The following AGBL4 variants were observed in gnomAD, a reference collection of about 807,000 sequenced individuals.
AGBL4 encodes the protein AGBL carboxypeptidase 4, also known as cytosolic carboxypeptidase 6.
AGBL4 carries 58 observed loss-of-function variants against 66.4 expected under a neutral mutation model. The ratio of observed to expected loss-of-function variants is 0.87; its 90% CI spans 0.71 to 1.09. AGBL4 has a LOEUF of 1.09. Among genes scored for constraint, AGBL4 ranks in the 50% least tolerant of loss-of-function variants. AGBL4 has a pLI of 0.00. For missense variants in AGBL4, 579 were observed against 631.0 expected (o/e 0.92, Z 0.88); for synonymous variants, 234 against 222.9 (o/e 1.05, Z -0.44).
chr1:49,542,385 C>T (rs971282021), intron 3 of AGBL4, among the ~76,000 whole-genome samples: 85 of 152,118 alleles, frequency 5.6e-4, no homozygotes, highest in Non-Finnish European at 9.7e-4. Flanking sequence ...CACTCCTGAG[C>T]CAGCGAGACC....
At chr1:49,897,976 A>C (rs1262184496) in intron 1 of AGBL4, among the ~76,000 whole-genome samples, 5 of 152,138 alleles carry the variant, frequency 3.3e-5, no homozygotes, top group Non-Finnish European at 1.5e-5. Context: ...AATGGATTAA[A>C]CACTTAAATC....
At chr1:49,614,658 C>T (rs907484445) in intron 3 of AGBL4, among the ~76,000 whole-genome samples, 1 of 152,018 alleles carries the variant, frequency 6.6e-6, no homozygotes, top group Non-Finnish European at 1.5e-5. Context: ...ATTTATACTC[C>T]CACCCACAGT....
At chr1:48,995,755 C>A (rs576097162) in intron 5 of AGBL4, among the ~76,000 whole-genome samples, 5 of 152,186 alleles carry the variant, frequency 3.3e-5, no homozygotes, top group African/African-American at 7.2e-5. Context: ...AATAGCTAGA[C>A]CATAGTCACT....
At chr1:49,750,882 C>G (rs1309983890) in intron 2 of AGBL4, among the ~76,000 whole-genome samples, 1 of 152,122 alleles carries the variant, frequency 6.6e-6, no homozygotes, top group African/African-American at 2.4e-5. Context: ...TGAGTTGGCT[C>G]TCTGTTTGTC....
intron 1 of AGBL4, among the ~76,000 whole-genome samples, chr1:49,903,873 G>T (rs1571840353): frequency 2.0e-5 from 3 of 152,228 alleles, no homozygotes; most frequent in Admixed American, 2.0e-4. Flanking sequence ...CAAGCACTGA[G>T]AACACTCCAG....
At position 48,741,837 on chromosome 1, in the gene AGBL4, C is replaced by T. The variant is rs1427271022; in HGVS notation, c.635-78596G>A. 2.6e-5 allele frequency among the ~76,000 whole-genome samples: 4 copies of T among 152,192 alleles called. No homozygotes were observed. In the South Asian group the frequency reaches 8.3e-4, roughly 31 times the overall value. On this transcript the variant is annotated intron_variant, in intron 6 of 13. Transcript: ENST00000371839. ...TGCCACAGTGGCAGAGAACATAACG[C>T]TAAAGCTGAATTTCACCAGTGCCAA...
intron 5 of AGBL4, among the ~76,000 whole-genome samples, chr1:48,927,352 T>C (rs1188214969): frequency 6.6e-6 from 1 of 152,136 alleles, no homozygotes; most frequent in Non-Finnish European, 1.5e-5. Flanking sequence ...CTCCGCTTTA[T>C]AAAACTGTCA....
intron 3 of AGBL4, among the ~76,000 whole-genome samples, chr1:49,536,278 T>C (rs1411993102): frequency 6.6e-6 from 1 of 152,180 alleles, no homozygotes; most frequent in Non-Finnish European, 1.5e-5. Flanking sequence ...CCCCTGTGTG[T>C]CTATATTGTA....
chr1:49,491,403 A>G (rs1647181831), intron 3 of AGBL4, among the ~76,000 whole-genome samples: 1 of 151,866 alleles, frequency 6.6e-6, no homozygotes, highest in Non-Finnish European at 1.5e-5. Flanking sequence ...TTGTTTTAAA[A>G]TGCGTATCTT....
intron 11 of AGBL4, among the ~76,000 whole-genome samples, chr1:48,561,099 C>T (rs1302935865): frequency 6.6e-6 from 1 of 152,176 alleles, no homozygotes; most frequent in African/African-American, 2.4e-5. Flanking sequence ...TCTCTACCTG[C>T]TAAATTTATG....
At chr1:49,599,101 G>A (rs1235645857) in intron 3 of AGBL4, among the ~76,000 whole-genome samples, 3 of 152,156 alleles carry the variant, frequency 2.0e-5, no homozygotes, top group Non-Finnish European at 4.4e-5. Context: ...TTGGTATCAG[G>A]ATGATGCTGA....
At chr1:49,313,443 T>C (rs527977756) in intron 3 of AGBL4, among the ~76,000 whole-genome samples, 1 of 152,248 alleles carries the variant, frequency 6.6e-6, no homozygotes, top group Non-Finnish European at 1.5e-5. Context: ...CCTTGAGGAA[T>C]CACCATGCTG....
chr1:49,385,947 T>C (rs1368303722), intron 3 of AGBL4, among the ~76,000 whole-genome samples: 1 of 152,064 alleles, frequency 6.6e-6, no homozygotes, highest in Admixed American at 6.6e-5. Flanking sequence ...CTAAAGCATC[T>C]AGTCACTTAG....
At chr1:48,878,538 G>A (rs964935788) in intron 5 of AGBL4, among the ~76,000 whole-genome samples, 1 of 152,166 alleles carries the variant, frequency 6.6e-6, no homozygotes, top group African/African-American at 2.4e-5. Flanking sequence ...TGTTTGGAAA[G>A]TCTTCCCTCC....
intron 11 of AGBL4, chr1:48,586,793 T>G: frequency 3.4e-6 from 2 of 580,402 alleles, no homozygotes; most frequent in Non-Finnish European, 6.1e-6. Context: ...CTGGGAAAGA[T>G]TTGGAGCATG....
At chr1:48,618,670 A>T (rs1037368516) in intron 9 of AGBL4, among the ~76,000 whole-genome samples, 2 of 152,216 alleles carry the variant, frequency 1.3e-5, no homozygotes, top group African/African-American at 4.8e-5. Context: ...CTATGGCAAC[A>T]ACCTGTGGAG....
chr1:49,881,049 G>C lies in AGBL4; in HGVS notation c.35-29531C>G, dbSNP rs559918835. Among the ~76,000 whole-genome samples, 5 of 152,050 alleles carry C rather than the reference G, an allele frequency of 3.3e-5. 1 individual carries two copies. Among genetic ancestry groups the C allele is most frequent in the African/African-American group, 1.2e-4 (5 of 41,368 alleles). On this transcript the variant is annotated intron_variant, in intron 1 of 13. Coordinates refer to ENST00000371839, the MANE Select transcript of AGBL4 (RefSeq NM_032785.4). Reference sequence around the variant, plus strand: ...ACAGTGCGCGCACCCACTGGCCTGCGCCCACTGTCTGGCACTCCCTAGTGA... The same window carrying C: ...ACAGTGCGCGCACCCACTGGCCTGCCCCCACTGTCTGGCACTCCCTAGTGA...
At chr1:49,563,221 G>GA (rs1295258118) in intron 3 of AGBL4, among the ~76,000 whole-genome samples, 1 of 78,528 alleles carries the variant, frequency 1.3e-5, no homozygotes, top group Admixed American at 1.3e-4. Context: ...TGAGACAATG[G>GA]GGTTTCTAGA....
chr1:48,856,656 G>A (rs1647164486), intron 6 of AGBL4, among the ~76,000 whole-genome samples: 1 of 152,170 alleles, frequency 6.6e-6, no homozygotes, highest in Non-Finnish European at 1.5e-5. Flanking sequence ...GAGTTGTCAT[G>A]TACTGGGAAG....
Sources: gnomAD v4.1 joint callset for allele counts (sites outside exome capture counted in the v4.1 genomes callset) on GRCh38, gnomAD v4.1.1 for gene constraint, MANE v1.5 for transcripts, NCBI Gene and HGNC (gene_info 2026-07-23, HGNC 2026-07-21) for gene names.